Variants in NBEA observed in about 807,000 individuals in gnomAD.
NBEA encodes the protein lysosomal-trafficking regulator 2.
In NBEA, 44 loss-of-function variants were observed where a neutral mutation model predicts 343.4. The ratio of observed to expected loss-of-function variants is 0.13; its 90% confidence interval spans 0.10 to 0.16. The LOEUF (loss-of-function observed/expected upper bound fraction) is 0.16. Among genes scored for constraint, NBEA ranks in the 10% least tolerant of loss-of-function variants. NBEA has a pLI of 1.00. For synonymous variants in NBEA, 1,175 were observed against 1,238.7 expected, an observed-to-expected ratio of 0.95 and a Z score of 1.08; for missense variants, 2,555 against 3,631.3, an observed-to-expected ratio of 0.70 and a Z score of 7.62.
intron 11 of NBEA, among the ~76,000 whole-genome samples, chr13:35,102,259 A>G (rs749882388): frequency 2.6e-5 from 4 of 151,840 alleles, no homozygotes; most frequent in Non-Finnish European, 1.5e-5. Flanking sequence ...TCAGATGACC[A>G]TGTATGACTG....
intron 1 of NBEA, among the ~76,000 whole-genome samples, chr13:34,952,801 A>T (rs2059388499): frequency 6.6e-6 from 1 of 152,230 alleles, no homozygotes; most frequent in Non-Finnish European, 1.5e-5. Context: ...GCAGATTAAA[A>T]GATGGTATAT....
At chr13:35,264,705 A>G (rs553974409) in intron 34 of NBEA, among the ~76,000 whole-genome samples, 2 of 152,088 alleles carry the variant, frequency 1.3e-5, no homozygotes, top group South Asian at 2.1e-4. Flanking sequence ...TTGTTTTTGC[A>G]TGATAGAAAG....
chr13:35,570,943 A>G (rs1391873933), intron 45 of NBEA, among the ~76,000 whole-genome samples: 2 of 152,192 alleles, frequency 1.3e-5, no homozygotes, highest in Non-Finnish European at 2.9e-5. Flanking sequence ...GTTATAATCA[A>G]TACCGCAAAT....
Position 35,535,570 on chromosome 13 carries a change from C to T in NBEA, c.6586-14907C>T, listed in dbSNP as rs559512223. On this transcript the variant is annotated intron_variant, in intron 41 of 58. Transcript: ENST00000379939. ...TCTGGGTAGGGGAGGATCGTGAATT[C>T]ATTTGTTCAACACATCTATGTAGCA... Among the ~76,000 whole-genome samples, 4 of 152,238 alleles carry T rather than the reference C, an allele frequency of 2.6e-5. No individual in the cohort carries two copies. In the East Asian group the frequency reaches 5.8e-4, roughly 22 times the overall value.
At chr13:35,079,892 G>A (rs887580046) in intron 10 of NBEA, among the ~76,000 whole-genome samples, 3 of 151,844 alleles carry the variant, frequency 2.0e-5, no homozygotes, top group African/African-American at 7.3e-5. Context: ...AATTCATGGT[G>A]GTTTTATACT....
At chr13:35,612,282 G>A (rs142951697) in intron 48 of NBEA, among the ~76,000 whole-genome samples, 10,714 of 151,922 alleles carry the variant, frequency 0.071, 397 homozygotes, top group South Asian at 0.1. Flanking sequence ...ACAGGCGCTC[G>A]CCACCACGCC....
chr13:34,989,164 C>G (rs1445418766), intron 1 of NBEA, among the ~76,000 whole-genome samples: 3 of 150,962 alleles, frequency 2.0e-5, no homozygotes, highest in African/African-American at 2.4e-5. Flanking sequence ...TGTTACCATA[C>G]TGTTTCACTT....
At chr13:35,376,908 T>C (rs886577437) in intron 38 of NBEA, among the ~76,000 whole-genome samples, 3 of 152,230 alleles carry the variant, frequency 2.0e-5, no homozygotes, top group Middle Eastern at 3.4e-3. Flanking sequence ...AACTTACCTA[T>C]TGAGAGGCCC....
At chr13:35,639,336 G>C (rs927251758) in intron 49 of NBEA, among the ~76,000 whole-genome samples, 1 of 152,118 alleles carries the variant, frequency 6.6e-6, no homozygotes. Context: ...GCATTAAAAA[G>C]TAATGCTTTA....
At chr13:35,014,419 G>A (rs906946722) in intron 1 of NBEA, among the ~76,000 whole-genome samples, 1 of 152,024 alleles carries the variant, frequency 6.6e-6, no homozygotes, top group African/African-American at 2.4e-5. Flanking sequence ...CTTCACAGTT[G>A]TCTTCTTAGT....
At chr13:35,613,347 G>C (rs931474539) in intron 48 of NBEA, among the ~76,000 whole-genome samples, 1 of 150,372 alleles carries the variant, frequency 6.7e-6, no homozygotes, top group African/African-American at 2.4e-5. Context: ...TATCCTCCAG[G>C]TTCATCCATG....
At chr13:35,612,915 T>C (rs2082587323) in intron 48 of NBEA, among the ~76,000 whole-genome samples, 2 of 152,148 alleles carry the variant, frequency 1.3e-5, no homozygotes, top group African/African-American at 4.8e-5. Flanking sequence ...TGGTTATCTG[T>C]TAAGTTTTAT....
intron 41 of NBEA, among the ~76,000 whole-genome samples, chr13:35,507,890 T>C (rs2152984748): frequency 6.6e-6 from 1 of 152,274 alleles, no homozygotes; most frequent in South Asian, 2.1e-4. Context: ...AAGGATCATT[T>C]TAGTAGTCAT....
intron 45 of NBEA, among the ~76,000 whole-genome samples, chr13:35,578,607 C>T (rs922527031): frequency 1.3e-5 from 2 of 152,122 alleles, no homozygotes; most frequent in Admixed American, 1.3e-4. Flanking sequence ...AAATTAGGTT[C>T]GTATTGAATG....
At position 35,070,533 on chromosome 13, in the gene NBEA, T is replaced by C. The variant is rs367759549; in HGVS notation, c.1438-186T>C. 4.4e-4 allele frequency among the ~76,000 whole-genome samples: 67 copies of C among 152,196 alleles called. 1 individual carries two copies. In the South Asian group the frequency reaches 0.014, roughly 31 times the overall value. On this transcript the variant is annotated intron_variant, in intron 9 of 58. Coordinates refer to ENST00000379939, the MANE Select transcript of NBEA (RefSeq NM_001385012.1). ...TGTGAAAATGCCTCAACCTAAGATT[T>C]GAAATTTAAAAGTGATTAGCAAAGG...
At chr13:35,581,896 AAAAG>A (rs2081062058) in intron 45 of NBEA, among the ~76,000 whole-genome samples, 1 of 106,040 alleles carries the variant, frequency 9.4e-6, no homozygotes, top group Non-Finnish European at 2.4e-5. Context: ...AAAAAAAAAA[AAAAG>A]AAAAGAAAAA....
intron 55 of NBEA, among the ~76,000 whole-genome samples, chr13:35,656,599 T>A (rs2084824019): frequency 6.6e-6 from 1 of 152,212 alleles, no homozygotes; most frequent in Admixed American, 6.5e-5. Flanking sequence ...CATAGTAATA[T>A]ACATAATAGG....
At chr13:35,407,403 T>C (rs1426181204) in intron 38 of NBEA, among the ~76,000 whole-genome samples, 2 of 152,066 alleles carry the variant, frequency 1.3e-5, no homozygotes, top group African/African-American at 4.8e-5. Context: ...AAATTTTTTT[T>C]GTTCTTAAAA....
chr13:35,290,780 TATTA>T (rs2035755737), intron 35 of NBEA, among the ~76,000 whole-genome samples: 1 of 151,350 alleles, frequency 6.6e-6, no homozygotes, highest in South Asian at 2.1e-4. Flanking sequence ...TTAAATGTAT[TATTA>T]ATTATCTTGT....
Sources: gnomAD v4.1 joint callset for allele counts (sites outside exome capture counted in the v4.1 genomes callset) on GRCh38, gnomAD v4.1.1 for gene constraint, MANE v1.5 for transcripts, NCBI Gene and HGNC (gene_info 2026-07-23, HGNC 2026-07-21) for gene names.